The following REXO5 variants were observed in gnomAD, a reference collection of about 807,000 sequenced individuals.
REXO5 encodes exonuclease NEF-sp.
REXO5 carries 48 observed loss-of-function variants against 88.5 expected under a neutral mutation model. That is an observed-to-expected ratio of 0.54 (90% confidence interval 0.43 to 0.69). The LOEUF (loss-of-function observed/expected upper bound fraction) is 0.69, where lower values mean the gene tolerates loss of function less well. REXO5 is among the 30% of genes least tolerant of loss of function. The pLI is 0.00. For missense variants in REXO5, 749 were observed against 912.2 expected (o/e 0.82, Z 2.30); for synonymous variants, 311 against 336.5 (o/e 0.92, Z 0.83).
intron 19 of REXO5, among the ~76,000 whole-genome samples, chr16:20,847,392 C>T (rs892538146): frequency 2.0e-5 from 3 of 149,074 alleles, no homozygotes; most frequent in Non-Finnish European, 4.4e-5. Flanking sequence ...GCTGAGATTG[C>T]ACCACTGCAC....
At chr16:20,813,889 GC>G (rs2081041513) in intron 3 of REXO5, among the ~76,000 whole-genome samples, 1 of 151,542 alleles carries the variant, frequency 6.6e-6, no homozygotes, top group Non-Finnish European at 1.5e-5. Context: ...CGAGACTCAG[GC>G]CCTACAAAAA....
rs1798244937 is a variant in REXO5, at chr16:20,806,644, GCACCTT to G, written c.-62_-57del. 8.2e-7 allele frequency: 1 copy of G among 1,217,172 alleles called. No individual in the cohort carries two copies. The highest frequency in any genetic ancestry group is 1.1e-6 in the Non-Finnish European group (1 of 903,174). 75.4% of individuals were successfully genotyped at this position (1,217,172 alleles called of 1,614,324 possible). A position where few individuals can be genotyped will look rare whatever the true frequency, so the allele number is the denominator to read the frequency against. ...TTTTAGGCGGCGAAGCCGCTCGGCA[GCACCTT>G]CCTTCTTTGCCAGGCAGACGCCCGT... is the stretch of plus-strand genomic sequence containing the variant. On this transcript the variant is annotated 5_prime_UTR_variant, in exon 1 of 20. Transcript: ENST00000261377.
intron 5 of REXO5, among the ~76,000 whole-genome samples, chr16:20,818,389 T>G (rs941716278): frequency 1.4e-4 from 21 of 152,220 alleles, no homozygotes; most frequent in African/African-American, 4.3e-4. Flanking sequence ...GAATAATTTT[T>G]TCACCATGTT....
At chr16:20,837,104 A>G (rs8063878) in intron 13 of REXO5, among the ~76,000 whole-genome samples, 64,907 of 151,800 alleles carry the variant, frequency 0.43, 16,401 homozygotes, top group Non-Finnish European at 0.58. Flanking sequence ...TATATTTTTT[A>G]TAGTTTCTTA....
rs946602769 is a variant in REXO5 at position 20,826,972 on chromosome 16, T to A, written c.822-86T>A. 6 of 1,398,864 alleles carry A rather than the reference T, an allele frequency of 4.3e-6. No homozygotes were observed. In the African/African-American group the frequency reaches 8.8e-5, roughly 20 times the overall value. The allele number at this position is 1,398,864 out of a possible 1,614,324, so 86.7% of individuals were successfully genotyped here. On this transcript the variant is annotated intron_variant, in intron 8 of 19. Transcript: ENST00000261377. ...AGCATATATATATTAACAGTAATTT[T>A]AAAAAATGTTATTTTTAAAATCACT...
intron 5 of REXO5, among the ~76,000 whole-genome samples, chr16:20,818,500 G>C (rs568301177): frequency 5.9e-5 from 9 of 151,958 alleles, no homozygotes; most frequent in Admixed American, 2.6e-4. Flanking sequence ...ACAGAGTCTC[G>C]CTCTGTCGCT....
At chr16:20,808,080 G>C (rs572545403) in intron 2 of REXO5, among the ~76,000 whole-genome samples, 1 of 152,232 alleles carries the variant, frequency 6.6e-6, no homozygotes, top group Non-Finnish European at 1.5e-5. Flanking sequence ...TGCATACGAG[G>C]GTCCTAGGTG....
chr16:20,838,140 C>A (rs949527833), intron 13 of REXO5, among the ~76,000 whole-genome samples: 6 of 152,076 alleles, frequency 3.9e-5, no homozygotes, highest in Non-Finnish European at 7.4e-5. Flanking sequence ...TGTTTTTGAA[C>A]AAGGTTTTCA....
chr16:20,807,746 A>C (rs866850325), intron 2 of REXO5, among the ~76,000 whole-genome samples: 1 of 150,538 alleles, frequency 6.6e-6, no homozygotes, highest in African/African-American at 2.5e-5. Context: ...CTTAAAAAAA[A>C]AAAACAAAAA....
chr16:20,843,537 G>A (rs937479071), intron 15 of REXO5, among the ~76,000 whole-genome samples: 1 of 152,102 alleles, frequency 6.6e-6, no homozygotes, highest in African/African-American at 2.4e-5. Flanking sequence ...TAGTTACTCC[G>A]AGTTAACAAA....
At position 20,821,920 on chromosome 16, in the gene REXO5, C is replaced by A; in HGVS notation, c.616+18C>A. The A allele has an allele frequency of 6.5e-7, 1 of 1,536,554 alleles. No homozygotes were observed. Among genetic ancestry groups the A allele is most frequent in the South Asian group, 1.3e-5 (1 of 78,206 alleles). On this transcript the variant is annotated intron_variant, in intron 6 of 19. Coordinates refer to ENST00000261377, the MANE Select transcript of REXO5 (RefSeq NM_030941.3). ...ATTACAAGGTTGGCTTAGGCTTACT[C>A]TGATATTGCTAACAATGTAAGAATA...
At position 20,844,721 on chromosome 16, in the gene REXO5, G is replaced by A; in HGVS notation, c.1812G>A (p.Leu604=). The change falls in exon 17 of 20, where the codon CTG becomes CTA. Residue 604 remains leucine (L), a synonymous_variant. Coordinates refer to ENST00000261377, the MANE Select transcript of REXO5 (RefSeq NM_030941.3). ...CTGAAAACCAAGGCTCTATATATCT[G>A]TCTGGAGTGAGTGAAACCTTCAAAG... ...GDSENQGSIY[L]SGVSETFKEQ... is the part of the protein sequence containing the mutation. 1 of 1,614,206 alleles carries A rather than the reference G, an allele frequency of 6.2e-7. No homozygotes were observed. Among genetic ancestry groups the A allele is most frequent in the Non-Finnish European group, 8.5e-7 (1 of 1,180,036 alleles).
At chr16:20,847,523 TC>T (rs1213192291) in intron 19 of REXO5, among the ~76,000 whole-genome samples, 1 of 151,992 alleles carries the variant, frequency 6.6e-6, no homozygotes, top group Non-Finnish European at 1.5e-5. Context: ...CAGAAGAAAT[TC>T]ATTTCCTAGC....
At chr16:20,829,675 T>C (rs1048103320) in intron 11 of REXO5, among the ~76,000 whole-genome samples, 5 of 152,220 alleles carry the variant, frequency 3.3e-5, no homozygotes, top group African/African-American at 4.8e-5. Flanking sequence ...ATGCTGTATA[T>C]ACATTATCTT....
chr16:20,831,397 G>C (rs762515636), intron 11 of REXO5, among the ~76,000 whole-genome samples: 1 of 151,998 alleles, frequency 6.6e-6, no homozygotes, highest in Non-Finnish European at 1.5e-5. Context: ...AGTGAAAATT[G>C]TGTCTCACTT....
chr16:20,806,870 T>A, intron 1 of REXO5, 82 bp from the exon 2 acceptor site: 2 of 1,504,618 alleles, frequency 1.3e-6, no homozygotes, highest in South Asian at 1.3e-5. Flanking sequence ...GTCAAGCCCG[T>A]GTAGCTCTCC....
intron 4 of REXO5, 131 bp downstream of exon 4, chr16:20,815,184 C>G (rs2081062468): frequency 9.7e-6 from 8 of 826,350 alleles, no homozygotes; most frequent in Admixed American, 8.8e-5. Context: ...GCAAAAAGAC[C>G]TTAGAGGCCT....
intron 19 of REXO5, among the ~76,000 whole-genome samples, chr16:20,846,669 G>T (rs1011350673): frequency 3.3e-5 from 5 of 152,170 alleles, no homozygotes; most frequent in African/African-American, 1.2e-4. Flanking sequence ...CTAGGCTTAG[G>T]TGTAACCACT....
At chr16:20,837,513 C>T (rs556671050) in intron 13 of REXO5, among the ~76,000 whole-genome samples, 1 of 152,220 alleles carries the variant, frequency 6.6e-6, no homozygotes, top group South Asian at 2.1e-4. Flanking sequence ...CTCTCTGATC[C>T]TTTTGATTTC....
Sources: gnomAD v4.1 joint callset for allele counts (sites outside exome capture counted in the v4.1 genomes callset) on GRCh38, gnomAD v4.1.1 for gene constraint, MANE v1.5 for transcripts, NCBI Gene and HGNC (gene_info 2026-07-23, HGNC 2026-07-21) for gene names.